RANBP2: variants seen among roughly 807,000 people sequenced by gnomAD.
The protein encoded by RANBP2 is E3 SUMO-protein ligase RanBP2.
RANBP2 carries 57 observed loss-of-function variants against 303.6 expected under a neutral mutation model. That is an observed-to-expected ratio of 0.19 (90% CI 0.15 to 0.23). The LOEUF (loss-of-function observed/expected upper bound fraction) is 0.23. RANBP2 is among the 10% of genes least tolerant of loss of function. The probability of loss-of-function intolerance (pLI) is 1.00; values close to 1 mark genes in which losing one functional copy is unlikely to be tolerated. For synonymous variants in RANBP2, 1,167 were observed against 1,301.5 expected (o/e 0.90, Z 2.23); for missense variants, 3,138 against 3,780.8 (o/e 0.83, Z 4.46).
chr2:109,016,940 G>A, the RANBP2 span, among the ~76,000 whole-genome samples: 8 of 152,224 alleles, frequency 5.3e-5, no homozygotes, highest in Non-Finnish European at 7.3e-5. Flanking sequence ...ATGGAAACTC[G>A]GGTGTGAAAG....
chr2:109,246,016 G>T, the RANBP2 span, among the ~76,000 whole-genome samples: 1 of 152,222 alleles, frequency 6.6e-6, no homozygotes, highest in African/African-American at 2.4e-5. Flanking sequence ...CAAAAAAAGA[G>T]CATGGATTTT....
chr2:109,087,671 T>C, the RANBP2 span, among the ~76,000 whole-genome samples: 1 of 152,112 alleles, frequency 6.6e-6, no homozygotes, highest in Non-Finnish European at 1.5e-5. Flanking sequence ...AAGTTTAAAA[T>C]GGGAACAATG....
chr2:109,179,938 A>G, the RANBP2 span, among the ~76,000 whole-genome samples: 4 of 144,362 alleles, frequency 2.8e-5, no homozygotes, highest in Non-Finnish European at 1.5e-5. Context: ...GCTATTAAAC[A>G]AGACAGAGGC....
At chr2:109,461,192 G>A in the RANBP2 span, among the ~76,000 whole-genome samples, 29 of 152,344 alleles carry the variant, frequency 1.9e-4, no homozygotes, top group Non-Finnish European at 3.1e-4. Context: ...TGCTGTGCAC[G>A]CCCAGCTTTA....
chr2:109,420,004 G>A, the RANBP2 span, among the ~76,000 whole-genome samples: 3 of 152,216 alleles, frequency 2.0e-5, no homozygotes, highest in African/African-American at 7.2e-5. Context: ...CAGAGCAGCG[G>A]GTAGTCTAGG....
chr2:109,108,970 G>A, the RANBP2 span, among the ~76,000 whole-genome samples: 3 of 152,262 alleles, frequency 2.0e-5, no homozygotes, highest in African/African-American at 7.2e-5. Context: ...AATTCAGGCT[G>A]CTGCTGGGCA....
chr2:108,811,033 A>G, the RANBP2 span, among the ~76,000 whole-genome samples: 1 of 151,310 alleles, frequency 6.6e-6, no homozygotes, highest in Non-Finnish European at 1.5e-5. Context: ...ACTGCTTGTA[A>G]TGTCTCCCTT....
At chr2:109,614,004 G>A in the RANBP2 span, 19 of 1,201,094 alleles carry the variant, frequency 1.6e-5, no homozygotes, top group African/African-American at 1.1e-4. Flanking sequence ...CCGGGGGCGG[G>A]GTTGGGGCGG....
the RANBP2 span, among the ~76,000 whole-genome samples, chr2:109,596,165 G>A: frequency 2.6e-5 from 4 of 152,026 alleles, no homozygotes; most frequent in South Asian, 8.3e-4. Context: ...CGAAACAGCT[G>A]GGCCTACAGG....
At chr2:109,432,679 C>T in the RANBP2 span, 1 of 1,607,844 alleles carries the variant, frequency 6.2e-7, no homozygotes, top group Admixed American at 1.7e-5. Context: ...CAGGTGAGGG[C>T]ATGGTGGTGG....
the RANBP2 span, among the ~76,000 whole-genome samples, chr2:109,366,497 C>T: frequency 6.6e-6 from 1 of 152,150 alleles, no homozygotes; most frequent in African/African-American, 2.4e-5. Context: ...TACGTTTATG[C>T]ACGTATACAT....
the RANBP2 span, among the ~76,000 whole-genome samples, chr2:109,542,148 C>A: frequency 1.3e-5 from 2 of 152,108 alleles, no homozygotes; most frequent in African/African-American, 4.8e-5. Flanking sequence ...GGAGATTATG[C>A]CTCAGTGGAT....
the RANBP2 span, among the ~76,000 whole-genome samples, chr2:109,445,912 T>G: frequency 1.3e-5 from 2 of 152,102 alleles, no homozygotes; most frequent in African/African-American, 4.8e-5. Context: ...GGACATAGAA[T>G]GAACTGAGTG....
the RANBP2 span, among the ~76,000 whole-genome samples, chr2:109,590,383 G>A: frequency 2.0e-5 from 3 of 152,014 alleles, no homozygotes; most frequent in South Asian, 6.2e-4. Flanking sequence ...GTCTTCGGAA[G>A]GGAGACTATC....
At chr2:108,990,856 A>G in the RANBP2 span, among the ~76,000 whole-genome samples, 1 of 152,216 alleles carries the variant, frequency 6.6e-6, no homozygotes, top group South Asian at 2.1e-4. Context: ...AAAGTCACTG[A>G]AATTATTAAA....
chr2:108,804,305 G>A, the RANBP2 span, among the ~76,000 whole-genome samples: 1 of 152,120 alleles, frequency 6.6e-6, no homozygotes, highest in Non-Finnish European at 1.5e-5. Flanking sequence ...AATTAGAGGG[G>A]AAGTTGATTT....
chr2:109,493,958 A>G, the RANBP2 span, among the ~76,000 whole-genome samples: 1 of 152,136 alleles, frequency 6.6e-6, no homozygotes, highest in African/African-American at 2.4e-5. Flanking sequence ...CCTCCGCATC[A>G]GAACCTCCCT....
chr2:109,093,828 A>G, the RANBP2 span, among the ~76,000 whole-genome samples: 4 of 152,228 alleles, frequency 2.6e-5, no homozygotes, highest in African/African-American at 9.6e-5. Flanking sequence ...AGAAAACCTA[A>G]GATAATTACT....
the RANBP2 span, among the ~76,000 whole-genome samples, chr2:109,474,400 C>T: frequency 6.6e-6 from 1 of 152,152 alleles, no homozygotes; most frequent in African/African-American, 2.4e-5. Context: ...AAGCTCTCCC[C>T]CTAACAGAGA....
Sources: allele counts gnomAD v4.1 joint callset (sites outside exome capture counted in the v4.1 genomes callset), GRCh38; gene constraint gnomAD v4.1.1; transcripts MANE v1.5; gene names NCBI Gene and HGNC (gene_info 2026-07-23, HGNC 2026-07-21).